EXOC6: variants seen among roughly 807,000 people sequenced by gnomAD.
EXOC6 encodes the protein exocyst complex component 6.
A neutral mutation model predicts 112.5 loss-of-function variants in EXOC6; 60 were observed. The observed-to-expected ratio is 0.53, with a 90% CI of 0.43 to 0.66. EXOC6 has a LOEUF of 0.66. EXOC6 is among the 30% of genes least tolerant of loss of function. The pLI is 0.00. For missense variants in EXOC6, 855 were observed against 957.1 expected (o/e 0.89, Z 1.41); for synonymous variants, 295 against 308.0 (o/e 0.96, Z 0.44).
At position 92,974,072 on chromosome 10, in the gene EXOC6, A is replaced by C. The variant is rs144562053; in HGVS notation, c.1793A>C (p.Glu598Ala). ...STFKDARHAA[E>A]GEIYTKLNQK... Reference sequence around the variant, plus strand: ...TGTCAGGATGCTCGACATGCAGCAGAAGGAGAAATATATACCAAACTGAAT... The same window carrying C: ...TGTCAGGATGCTCGACATGCAGCAGCAGGAGAAATATATACCAAACTGAAT... The change falls in exon 18 of 22, where the codon GAA becomes GCA. Residue 598 changes from glutamate (E) to alanine (A), a missense_variant. Physicochemically the swap from Glu to Ala is moderately radical, Grantham distance 107. Around this residue, in one of 2 missense-constraint regions of EXOC6, gnomAD observed 450 missense variants for 563.5 expected, o/e 0.80. Coordinates refer to ENST00000260762, the MANE Select transcript of EXOC6 (RefSeq NM_019053.6). 3.1e-6 allele frequency: 5 copies of C among 1,593,716 alleles called. No homozygotes were observed. The highest frequency in any genetic ancestry group is 2.7e-5 in the African/African-American group (2 of 73,722).
intron 13 of EXOC6, among the ~76,000 whole-genome samples, chr10:92,941,982 A>G (rs997593619): frequency 6.6e-6 from 1 of 152,164 alleles, no homozygotes; most frequent in Non-Finnish European, 1.5e-5. Flanking sequence ...GATAGAAGTA[A>G]TGTGTCAATA....
chr10:92,930,881 A>G (rs1851987767), intron 9 of EXOC6, among the ~76,000 whole-genome samples: 1 of 152,122 alleles, frequency 6.6e-6, no homozygotes, highest in South Asian at 2.1e-4. Context: ...TGGGAGGCCA[A>G]GGCGGGCGGA....
At chr10:92,992,926 AAATTT>A (rs1843332783) in intron 18 of EXOC6, among the ~76,000 whole-genome samples, 1 of 151,716 alleles carries the variant, frequency 6.6e-6, no homozygotes, top group Admixed American at 6.6e-5. Context: ...AATGAATTAA[AAATTT>A]AATTCATTAA....
chr10:92,952,293 C>A lies in EXOC6; in HGVS notation c.1437C>A (p.Phe479Leu), dbSNP rs755024560. 1.2e-6 allele frequency: 2 copies of A among 1,608,000 alleles called. No homozygotes were observed. The highest frequency in any genetic ancestry group is 1.7e-6 in the Non-Finnish European group (2 of 1,176,894). ...DLEKQSFPKKFPMSQSVPHIY... is the reference protein window; with the variant it reads ...DLEKQSFPKKLPMSQSVPHIY... ...TACAGCAGTCTTTCCCAAAGAAATT[C>A]CCCATGTCTCAGTCAGTGCCTCATA... is the stretch of plus-strand genomic sequence containing the variant. The change falls in exon 15 of 22, where the codon TTC becomes TTA. Residue 479 changes from phenylalanine to leucine, a missense_variant. By Grantham distance (22) the Phe-to-Leu change is conservative. Coordinates refer to ENST00000260762, the MANE Select transcript of EXOC6 (RefSeq NM_019053.6).
At chr10:92,841,997 A>G (rs1449841520) in intron 1 of EXOC6, among the ~76,000 whole-genome samples, 2 of 152,156 alleles carry the variant, frequency 1.3e-5, no homozygotes, top group African/African-American at 2.4e-5. Flanking sequence ...CCATGCTCAC[A>G]GGGAGCTTGT....
In EXOC6 at chr10:93,009,541, G is replaced by A. The variant is rs978256373; in HGVS notation, c.2096-4653G>A. Among the ~76,000 whole-genome samples, 13 of 152,226 alleles carry A rather than the reference G, an allele frequency of 8.5e-5. No homozygotes were observed. In the East Asian group the frequency reaches 2.5e-3, roughly 29 times the overall value. On this transcript the variant is annotated intron_variant, in intron 19 of 21. Coordinates refer to ENST00000260762, the MANE Select transcript of EXOC6 (RefSeq NM_019053.6). ...AGATAAACAATTACAAGGCAGCAAA[G>A]TGAGTGCTGAAGTTAGGCTGTGCAC...
chr10:92,923,188 G>T (rs894773412), intron 8 of EXOC6, among the ~76,000 whole-genome samples: 1 of 152,136 alleles, frequency 6.6e-6, no homozygotes, highest in Non-Finnish European at 1.5e-5. Context: ...GTTGCAGTGT[G>T]GAATCAGGCA....
intron 20 of EXOC6, among the ~76,000 whole-genome samples, chr10:93,027,936 T>C (rs996884830): frequency 6.6e-6 from 1 of 152,230 alleles, no homozygotes; most frequent in Admixed American, 6.5e-5. Context: ...CATAGAATAG[T>C]TCCTCTGATG....
chr10:92,872,649 G>T (rs1848508756), intron 1 of EXOC6, among the ~76,000 whole-genome samples: 1 of 151,874 alleles, frequency 6.6e-6, no homozygotes, highest in Admixed American at 6.6e-5. Context: ...GATGAGATTG[G>T]TTTTGAATTT....
intron 19 of EXOC6, among the ~76,000 whole-genome samples, chr10:93,005,820 A>G (rs1002134514): frequency 2.6e-5 from 4 of 152,222 alleles, no homozygotes; most frequent in African/African-American, 9.6e-5. Flanking sequence ...TGGAGAGTAG[A>G]TAAGTTTCTT....
At chr10:92,914,157 C>T (rs1850953958) in intron 6 of EXOC6, among the ~76,000 whole-genome samples, 2 of 152,198 alleles carry the variant, frequency 1.3e-5, no homozygotes, top group Non-Finnish European at 2.9e-5. Flanking sequence ...CCTGTCAGAT[C>T]AGCGGCATTC....
intron 13 of EXOC6, among the ~76,000 whole-genome samples, chr10:92,943,548 GT>G (rs1852795240): frequency 1.3e-5 from 2 of 151,812 alleles, no homozygotes; most frequent in Admixed American, 1.3e-4. Context: ...TATGAGCCCT[GT>G]TTTATTTTTG....
intron 17 of EXOC6, among the ~76,000 whole-genome samples, chr10:92,956,714 T>C (rs954398266): frequency 6.6e-6 from 1 of 152,128 alleles, no homozygotes; most frequent in Admixed American, 6.6e-5. Context: ...TAAAATTAGC[T>C]ATTAAAACTT....
chr10:92,898,281 A>AT (rs200493983), intron 4 of EXOC6, among the ~76,000 whole-genome samples: 4,067 of 150,008 alleles, frequency 0.027, 158 homozygotes, highest in East Asian at 0.15. Context: ...AAAAAAAAAA[A>AT]ATTAGCCAGC....
chr10:92,979,899 A>G (rs1842768638), intron 18 of EXOC6, among the ~76,000 whole-genome samples: 1 of 143,160 alleles, frequency 7.0e-6, no homozygotes, highest in East Asian at 2.2e-4. Flanking sequence ...ACTGTCTCAA[A>G]AAAAAAAAAA....
upstream of EXOC6, among the ~76,000 whole-genome samples, chr10:92,831,649 G>T (rs1450726664): frequency 6.6e-6 from 1 of 151,998 alleles, no homozygotes; most frequent in Non-Finnish European, 1.5e-5. Flanking sequence ...CAGCCAGGTT[G>T]GTCTTCAACT....
intron 19 of EXOC6, among the ~76,000 whole-genome samples, chr10:93,010,791 G>A (rs1174245004): frequency 1.3e-5 from 2 of 151,570 alleles, no homozygotes; most frequent in East Asian, 3.9e-4. Flanking sequence ...GTCTCTTTCA[G>A]TTGCAAGATT....
intron 19 of EXOC6, among the ~76,000 whole-genome samples, chr10:93,001,134 A>G (rs1486676490): frequency 6.6e-6 from 1 of 152,210 alleles, no homozygotes; most frequent in Non-Finnish European, 1.5e-5. Context: ...TAGAAAGGCT[A>G]GAGTGCCTGG....
chr10:92,858,668 CTTCTT>C (rs1481273948), intron 1 of EXOC6, among the ~76,000 whole-genome samples: 2 of 152,178 alleles, frequency 1.3e-5, no homozygotes, highest in Admixed American at 1.3e-4. Flanking sequence ...TCCTTTGCTT[CTTCTT>C]TTTAGTTCTG....
Sources: allele counts gnomAD v4.1 joint callset (sites outside exome capture counted in the v4.1 genomes callset), GRCh38; gene constraint gnomAD v4.1.1; regional missense constraint gnomAD v4.1.1; transcripts MANE v1.5; gene names NCBI Gene and HGNC (gene_info 2026-07-23, HGNC 2026-07-21).